Variants in FEZ1 observed in about 807,000 individuals in gnomAD.
The protein encoded by FEZ1 is fasciculation and elongation protein zeta 1.
FEZ1 carries 20 observed loss-of-function variants against 49.3 expected under a neutral mutation model. That is an observed-to-expected ratio of 0.41 (90% CI 0.29 to 0.59). The LOEUF is 0.59. FEZ1 is among the 20% of genes least tolerant of loss of function. The pLI is 0.36. For synonymous variants in FEZ1, 170 were observed against 180.9 expected, an observed-to-expected ratio of 0.94 and a Z score of 0.48; for missense variants, 413 against 476.0, an observed-to-expected ratio of 0.87 and a Z score of 1.23.
chr11:125,493,390 GAAAGAAAGAAA>G (rs1201345461), intron 1 of FEZ1, among the ~76,000 whole-genome samples: 20 of 55,002 alleles, frequency 3.6e-4, no homozygotes, highest in Non-Finnish European at 5.8e-4. Flanking sequence ...AAGAAAGAAA[GAAAGAAAGAAA>G]GAAAGAAAGA....
chr11:125,488,287 T>G (rs1195373843), intron 2 of FEZ1, among the ~76,000 whole-genome samples: 1 of 152,250 alleles, frequency 6.6e-6, no homozygotes, highest in East Asian at 1.9e-4. Flanking sequence ...GTGCCTAACT[T>G]ATAAACTGAA....
Position 125,460,499 on chromosome 11 carries a change from T to G in FEZ1, c.666A>C (p.Glu222Asp). ...CAGCCCAGCGCCCAGGGCCCTCACC[T>G]TCATAGGACCAGTTGTTGTTGAAGG... Reference protein sequence around the residue: ...TQTFNNNWSYEGLRHMSGSEL... With the variant: ...TQTFNNNWSYDGLRHMSGSEL... Residue 222 changes from glutamate (E) to aspartate (D), a missense_variant and splice_region_variant, in exon 5 of 10, where the codon GAA becomes GAC. Transcript: ENST00000278919. 1.2e-6 allele frequency: 2 copies of G among 1,613,524 alleles called. No homozygotes were observed. The highest frequency in any genetic ancestry group is 1.7e-6 in the Non-Finnish European group (2 of 1,179,710).
At chr11:125,483,149 G>C (rs1221267844) in intron 2 of FEZ1, among the ~76,000 whole-genome samples, 1 of 152,054 alleles carries the variant, frequency 6.6e-6, no homozygotes, top group Non-Finnish European at 1.5e-5. Flanking sequence ...ACAGACACTT[G>C]AAATCAGAAA....
At position 125,455,990 on chromosome 11, in the gene FEZ1, A is replaced by C; in HGVS notation, c.784T>G (p.Phe262Val). The C allele has an allele frequency of 6.2e-7, 1 of 1,612,390 alleles. No homozygotes were observed. The highest frequency in any genetic ancestry group is 1.1e-5 in the South Asian group (1 of 90,986). Residue 262 changes from phenylalanine to valine, a missense_variant, in exon 6 of 10, where the codon TTT becomes GTT. Phe to Val is a conservative substitution (Grantham distance 50). Transcript: ENST00000278919. ...AAGGAGTTCTTCACTTCCTTCTCAAACTCCAGCTCGTCCCGGCGGGCCAGC... is the reference window on the plus strand; with the variant it reads ...AAGGAGTTCTTCACTTCCTTCTCAACCTCCAGCTCGTCCCGGCGGGCCAGC... Reference protein sequence around the residue: ...QQLARRDELEFEKEVKNSFIT... With the variant: ...QQLARRDELEVEKEVKNSFIT...
intron 3 of FEZ1, among the ~76,000 whole-genome samples, chr11:125,478,764 A>C (rs572443484): frequency 1.8e-4 from 27 of 152,356 alleles, no homozygotes; most frequent in African/African-American, 6.5e-4. Flanking sequence ...CATCCTTCTC[A>C]GGGTCATTCA....
intron 3 of FEZ1, among the ~76,000 whole-genome samples, chr11:125,480,756 C>T (rs944994077): frequency 2.6e-5 from 4 of 152,098 alleles, no homozygotes; most frequent in Non-Finnish European, 4.4e-5. Context: ...ATAGTAATGG[C>T]AGGCTGGGTG....
chr11:125,467,413 T>C (rs890660572), intron 3 of FEZ1, among the ~76,000 whole-genome samples: 1 of 152,118 alleles, frequency 6.6e-6, no homozygotes, highest in Non-Finnish European at 1.5e-5. Context: ...TGCATTCCCA[T>C]AGGGAGATGC....
At chr11:125,466,358 G>A (rs1957129915) in intron 3 of FEZ1, among the ~76,000 whole-genome samples, 1 of 152,082 alleles carries the variant, frequency 6.6e-6, no homozygotes, top group African/African-American at 2.4e-5. Flanking sequence ...CACACCTGTA[G>A]TCCCAACTAC....
At chr11:125,479,673 G>A (rs947869343) in intron 3 of FEZ1, among the ~76,000 whole-genome samples, 2 of 152,144 alleles carry the variant, frequency 1.3e-5, no homozygotes, top group African/African-American at 4.8e-5. Context: ...AGAGGCCCAA[G>A]GGAGCACTTT....
At chr11:125,450,725 T>C (rs765310374) in intron 8 of FEZ1, among the ~76,000 whole-genome samples, 7 of 152,044 alleles carry the variant, frequency 4.6e-5, no homozygotes, top group Non-Finnish European at 7.4e-5. Context: ...GAGATAGCCA[T>C]AAAAAGAACA....
chr11:125,487,731 C>T (rs1957338463), intron 2 of FEZ1, among the ~76,000 whole-genome samples: 1 of 152,198 alleles, frequency 6.6e-6, no homozygotes, highest in Non-Finnish European at 1.5e-5. Context: ...ACATACAAGG[C>T]TACTAGCTAT....
intron 5 of FEZ1, among the ~76,000 whole-genome samples, chr11:125,459,757 T>C (rs1210453019): frequency 3.3e-5 from 5 of 152,158 alleles, no homozygotes; most frequent in Non-Finnish European, 5.9e-5. Context: ...GTTAGCTTGA[T>C]CCAAATGGGG....
At chr11:125,485,378 C>T (rs770468685) in intron 2 of FEZ1, among the ~76,000 whole-genome samples, 38 of 152,050 alleles carry the variant, frequency 2.5e-4, no homozygotes, top group Non-Finnish European at 4.7e-4. Context: ...TGCCAGGACA[C>T]GTGTACAAAG....
Position 125,463,582 on chromosome 11 carries a change from G to A in FEZ1, c.412-12C>T. 1 of 1,544,512 alleles carries A rather than the reference G, an allele frequency of 6.5e-7. No individual in the cohort carries two copies. The highest frequency in any genetic ancestry group is 1.7e-5 in the Admixed American group (1 of 59,888). ...TCTTTCTCATGGATCTGGAGAGGAG[G>A]TGGGGAGATGGAATTCTGGGTGACC... On this transcript the variant is annotated splice_polypyrimidine_tract_variant and intron_variant, in intron 3 of 9. Transcript: ENST00000278919.
chr11:125,483,096 C>T (rs1165920505), intron 2 of FEZ1, among the ~76,000 whole-genome samples: 1 of 149,430 alleles, frequency 6.7e-6, no homozygotes, highest in African/African-American at 2.5e-5. Context: ...CCCGTGACAG[C>T]AAGATTTCAA....
At chr11:125,449,417 T>TAAAAAAAAAAAAAAAAAAA (rs35920814) in intron 8 of FEZ1, among the ~76,000 whole-genome samples, 1 of 27,008 alleles carries the variant, frequency 3.7e-5, no homozygotes, top group Non-Finnish European at 6.1e-5. Flanking sequence ...TTTGTCTCTA[T>TAAAAAAAAAAAAAAAAAAA]AAAAAAAAAA....
At chr11:125,493,494 GAA>G (rs1180058111) in intron 1 of FEZ1, among the ~76,000 whole-genome samples, 2 of 100,760 alleles carry the variant, frequency 2.0e-5, no homozygotes, top group African/African-American at 4.6e-5. Context: ...AAGAAGGAAA[GAA>G]AGAAAGAAAG....
At chr11:125,462,809 G>C (rs1957088857) in intron 4 of FEZ1, among the ~76,000 whole-genome samples, 1 of 152,010 alleles carries the variant, frequency 6.6e-6, no homozygotes, top group Non-Finnish European at 1.5e-5. Flanking sequence ...GACCAGCCTG[G>C]GCAGCATGGT....
At chr11:125,454,338 A>T (rs1956986867) in intron 6 of FEZ1, 128 bp from the exon 7 acceptor site, 2 of 605,776 alleles carry the variant, frequency 3.3e-6, no homozygotes, top group Admixed American at 3.1e-5. Flanking sequence ...AGTAAGTGTA[A>T]GACACTGGCT....
Sources: allele counts gnomAD v4.1 joint callset (sites outside exome capture counted in the v4.1 genomes callset), GRCh38; gene constraint gnomAD v4.1.1; transcripts MANE v1.5; gene names NCBI Gene and HGNC (gene_info 2026-07-23, HGNC 2026-07-21).